Variants in GNPTG observed in about 807,000 individuals in gnomAD.
GNPTG encodes the protein N-acetylglucosamine-1-phosphate transferase subunit gamma.
GNPTG carries 46 observed loss-of-function variants against 43.8 expected under a neutral mutation model. That is an observed-to-expected ratio of 1.05 (90% CI 0.83 to 1.34). The LOEUF is 1.34. Ranked by LOEUF, GNPTG falls within the 40% of genes most tolerant of loss-of-function variation. The probability of loss-of-function intolerance (pLI) is 0.00; values close to 1 mark genes in which losing one functional copy is unlikely to be tolerated. For missense variants in GNPTG, 549 were observed against 411.3 expected (o/e 1.33, Z -2.90); for synonymous variants, 250 against 172.8 (o/e 1.45, Z -3.50).
At chr16:1,355,705 G>T (rs1354661101) in intron 3 of GNPTG, among the ~76,000 whole-genome samples, 1 of 152,126 alleles carries the variant, frequency 6.6e-6, no homozygotes, top group Non-Finnish European at 1.5e-5. Context: ...CCTCGGTGGC[G>T]GTGGGAGGGA....
chr16:1,356,876 CGGGCGGGGGTCTGCGGGCGGG>C (rs2034786006), intron 3 of GNPTG, among the ~76,000 whole-genome samples: 4 of 4,322 alleles, frequency 9.3e-4, no homozygotes, highest in East Asian at 0.033. Context: ...CGGGAATCTG[CGGGCGGGGGTCTGCGGGCGGG>C]AGTGTGCGGG....
rs116258195 is a variant in GNPTG, at chr16:1,356,563, C to T, written c.178+4257C>T. On this transcript the variant is annotated intron_variant, in intron 3 of 10. Coordinates refer to ENST00000204679, the MANE Select transcript of GNPTG (RefSeq NM_032520.5). ...AGCAGAGGACCTGGGGTACTGGGCA[C>T]TGCCAGTTGGGGGCTTGTGGTACCA... 7.6e-3 allele frequency among the ~76,000 whole-genome samples: 1,155 copies of T among 152,278 alleles called. 16 individuals are homozygous for T. The highest frequency in any genetic ancestry group is 0.027 in the African/African-American group (1,112 of 41,552).
chr16:1,358,001 C>T (rs2034808782), intron 3 of GNPTG, among the ~76,000 whole-genome samples: 1 of 152,006 alleles, frequency 6.6e-6, no homozygotes, highest in Non-Finnish European at 1.5e-5. Flanking sequence ...TGGCCCGTGG[C>T]TGACAGTCTC....
Position 1,363,165 on chromosome 16 carries a change from AC to A in GNPTG, c.*76del, listed in dbSNP as rs2034970880. ...AAGCTGGCTGGTAGGACCCGCAGGG[AC>A]CAGCTGACCAGGCTTGTGCTCAGAG... On this transcript the variant is annotated 3_prime_UTR_variant, in exon 11 of 11. Transcript: ENST00000204679. 7.9e-7 allele frequency: 1 copy of A among 1,265,050 alleles called. No homozygotes were observed. Among genetic ancestry groups the A allele is most frequent in the Admixed American group, 1.9e-5 (1 of 52,558 alleles). The allele number at this position is 1,265,050 out of a possible 1,614,324, so 78.4% of individuals were successfully genotyped here. A position where few individuals can be genotyped will look rare whatever the true frequency, so the allele number is the denominator to read the frequency against.
At chr16:1,354,965 G>A (rs532648247) in intron 3 of GNPTG, among the ~76,000 whole-genome samples, 13 of 151,268 alleles carry the variant, frequency 8.6e-5, no homozygotes, top group Non-Finnish European at 1.5e-4. Context: ...AAAGTCCCCC[G>A]CGTCTGTGGG....
chr16:1,363,239 TA>T lies in GNPTG; in HGVS notation c.*153del. The stretch of plus-strand genomic sequence containing the variant: ...AGGTTTTAATTAATTCCCATACTGA[TA>T]AAAATAACTCCATGAATTCTGTAAA... On this transcript the variant is annotated 3_prime_UTR_variant, in exon 11 of 11. Coordinates refer to ENST00000204679, the MANE Select transcript of GNPTG (RefSeq NM_032520.5). 1 of 708,684 alleles carries T rather than the reference TA, an allele frequency of 1.4e-6. No homozygotes were observed. Among genetic ancestry groups the T allele is most frequent in the South Asian group, 1.5e-5 (1 of 64,768 alleles). 43.9% of individuals were successfully genotyped at this position (708,684 alleles called of 1,614,324 possible).
chr16:1,356,018 G>C (rs1203329139), intron 3 of GNPTG, among the ~76,000 whole-genome samples: 3 of 151,964 alleles, frequency 2.0e-5, no homozygotes, highest in African/African-American at 7.3e-5. Flanking sequence ...TGGGGGTTGT[G>C]GAGGTTGGGA....
Position 1,362,200 on chromosome 16 carries a change from C to T in GNPTG, c.412-6C>T. ...CCCAACCCACCTACCCACGTTCCCT[C>T]CCCAGGTGGAGCTGGCGTGTGGAAA... On this transcript the variant is annotated splice_region_variant and splice_polypyrimidine_tract_variant and intron_variant, in intron 6 of 10. Transcript: ENST00000204679. 1.2e-6 allele frequency: 2 copies of T among 1,613,530 alleles called. No homozygotes were observed. Among genetic ancestry groups the T allele is most frequent in the Non-Finnish European group, 1.7e-6 (2 of 1,179,928 alleles).
chr16:1,361,768 G>A lies in GNPTG; in HGVS notation c.204G>A (p.Ser68=), dbSNP rs777517766. 5.6e-5 allele frequency: 91 copies of A among 1,614,020 alleles called. No individual in the cohort carries two copies. Among genetic ancestry groups the A allele is most frequent in the Admixed American group, 2.3e-4 (14 of 59,996 alleles). The change falls in exon 4 of 11, where the codon TCG becomes TCA. Residue 68 remains serine (S), a synonymous_variant. Transcript: ENST00000204679. ...GACCCGTGCATCTCTTCCGACTCTC[G>A]GGCAAGTGCTTCAGCCTGGTGGAGT... The part of the protein sequence containing the change: ...VSGPVHLFRL[S]GKCFSLVEST...
Position 1,352,272 on chromosome 16 carries a change from C to T in GNPTG, c.144C>T (p.Arg48=), listed in dbSNP as rs1011071248. The change falls in exon 3 of 11, where the codon CGC becomes CGT. Residue 48 remains arginine, a synonymous_variant. Coordinates refer to ENST00000204679, the MANE Select transcript of GNPTG (RefSeq NM_032520.5). ...ACCCGTTCTTGCCTCAGGCCAGTCGCCTCCAGGCCAAGAGGGATCCTTCAC... is the reference window on the plus strand; with the variant it reads ...ACCCGTTCTTGCCTCAGGCCAGTCGTCTCCAGGCCAAGAGGGATCCTTCAC... ...VNNPFLPQAS[R]LQAKRDPSPV... The T allele has an allele frequency of 3.2e-6, 5 of 1,548,352 alleles. No homozygotes were observed. In the African/African-American group the frequency reaches 4.1e-5, roughly 13 times the overall value.
chr16:1,361,744 A>G lies in GNPTG; in HGVS notation c.180A>G (p.Gly60=). 2 of 1,613,748 alleles carry G rather than the reference A, an allele frequency of 1.2e-6. No individual in the cohort carries two copies. The part of the protein sequence containing the change: ...QAKRDPSPVS[G]PVHLFRLSGK... ...GGATCAGTGTGAGGTCTCTTCCAGG[A>G]CCCGTGCATCTCTTCCGACTCTCGG... Residue 60 remains glycine, a splice_region_variant and synonymous_variant, in exon 4 of 11, where the codon GGA becomes GGG. Coordinates refer to ENST00000204679, the MANE Select transcript of GNPTG (RefSeq NM_032520.5).
At chr16:1,356,874 TGCGGGCGGGG>T (rs2034785891) in intron 3 of GNPTG, among the ~76,000 whole-genome samples, 1 of 4,396 alleles carries the variant, frequency 2.3e-4, no homozygotes, top group Non-Finnish European at 6.2e-4. Context: ...AGCGGGAATC[TGCGGGCGGGG>T]GTCTGCGGGC....
intron 3 of GNPTG, among the ~76,000 whole-genome samples, chr16:1,354,608 A>AAAAAAAAAAAAAAG: frequency 6.7e-6 from 1 of 149,104 alleles, no homozygotes; most frequent in Non-Finnish European, 1.5e-5. Flanking sequence ...AAAAAAAAAA[A>AAAAAAAAAAAAAAG]ACCCATAAAA....
chr16:1,357,386 G>A (rs974685191), intron 3 of GNPTG, among the ~76,000 whole-genome samples: 3 of 152,196 alleles, frequency 2.0e-5, no homozygotes, highest in African/African-American at 2.4e-5. Context: ...CTCCGGGGGC[G>A]GGGGCCAGGC....
At chr16:1,360,607 G>GTCTC (rs2034852479) in intron 3 of GNPTG, 1 of 152,270 alleles carries the variant, frequency 6.6e-6, no homozygotes, top group East Asian at 1.9e-4. Context: ...TTGGGTGACA[G>GTCTC]AGTGAGACTG....
rs193302855 is a variant in GNPTG at position 1,362,609 on chromosome 16, A to G, written c.610-2A>G. The G allele has an allele frequency of 8.1e-6, 13 of 1,614,056 alleles. No homozygotes were observed. The highest frequency in any genetic ancestry group is 1.1e-5 in the Non-Finnish European group (13 of 1,180,038). On this transcript the variant is annotated splice_acceptor_variant, in intron 8 of 10. Transcript: ENST00000204679. LOFTEE classifies it high-confidence loss of function. ...TGCTGCCCCTGCATCCTCCACCTTCAGGGCCATGAGAAGTTGCTGAGGACA... is the reference window on the plus strand; with the variant it reads ...TGCTGCCCCTGCATCCTCCACCTTCGGGGCCATGAGAAGTTGCTGAGGACA...
chr16:1,352,025 GC>G lies in GNPTG; in HGVS notation c.52+11del, dbSNP rs2034693032. 6.7e-7 allele frequency: 1 copy of G among 1,489,436 alleles called. No homozygotes were observed. Among genetic ancestry groups the G allele is most frequent in the South Asian group, 1.3e-5 (1 of 78,808 alleles). 92.3% of individuals were successfully genotyped at this position (1,489,436 alleles called of 1,614,324 possible). A position where few individuals can be genotyped will look rare whatever the true frequency, so the allele number is the denominator to read the frequency against. On this transcript the variant is annotated intron_variant, in intron 1 of 10. Coordinates refer to ENST00000204679, the MANE Select transcript of GNPTG (RefSeq NM_032520.5). ...TCGGGCTCTCGGCCGGCGGTGAGTG[GC>G]CCGGCCGTCCGCGTCCCCAGGCCCC... is the stretch of plus-strand genomic sequence containing the variant.
chr16:1,352,764 C>G (rs1275053294), intron 3 of GNPTG, among the ~76,000 whole-genome samples: 1 of 152,070 alleles, frequency 6.6e-6, no homozygotes, highest in Non-Finnish European at 1.5e-5. Flanking sequence ...TGGCACTGCA[C>G]TCCCCGATTG....
chr16:1,361,723 C>T lies in GNPTG; in HGVS notation c.179-20C>T, dbSNP rs1409467945. The T allele has an allele frequency of 6.2e-7, 1 of 1,613,734 alleles. No homozygotes were observed. Reference sequence around the variant, plus strand: ...GGTTCTGTGCTTGGACCCTGGGGATCAGTGTGAGGTCTCTTCCAGGACCCG... The same window carrying T: ...GGTTCTGTGCTTGGACCCTGGGGATTAGTGTGAGGTCTCTTCCAGGACCCG... On this transcript the variant is annotated intron_variant, in intron 3 of 10. Coordinates refer to ENST00000204679, the MANE Select transcript of GNPTG (RefSeq NM_032520.5).
Sources: gnomAD v4.1 joint callset for allele counts (sites outside exome capture counted in the v4.1 genomes callset) on GRCh38, gnomAD v4.1.1 for gene constraint, MANE v1.5 for transcripts, NCBI Gene and HGNC (gene_info 2026-07-23, HGNC 2026-07-21) for gene names.